Variants in POU2AF1 observed in about 807,000 individuals in gnomAD.
POU2AF1 encodes the protein POU domain class 2-associating factor 1.
A neutral mutation model predicts 26.3 loss-of-function variants in POU2AF1; 12 were observed. That is an observed-to-expected ratio of 0.46 (90% CI 0.29 to 0.74). The LOEUF (loss-of-function observed/expected upper bound fraction) is 0.74, where lower values mean the gene tolerates loss of function less well. POU2AF1 is among the 30% of genes least tolerant of loss of function. POU2AF1 has a pLI of 0.09. For synonymous variants in POU2AF1, 175 were observed against 148.0 expected, an observed-to-expected ratio of 1.18 and a Z score of -1.32; for missense variants, 297 against 334.5, an observed-to-expected ratio of 0.89 and a Z score of 0.87.
Position 111,368,749 on chromosome 11 carries a change from G to A in POU2AF1, c.17-9831C>T, listed in dbSNP as rs545904072. On this transcript the variant is annotated intron_variant, in intron 1 of 4. Coordinates refer to ENST00000393067, the MANE Select transcript of POU2AF1 (RefSeq NM_006235.3). ...GTTGCTTATCACCTGTGTGACTCTTGGCAAATCACTTAACCATTGTGTGCC... is the reference window on the plus strand; with the variant it reads ...GTTGCTTATCACCTGTGTGACTCTTAGCAAATCACTTAACCATTGTGTGCC... 2.2e-4 allele frequency among the ~76,000 whole-genome samples: 34 copies of A among 152,306 alleles called. 2 individuals are homozygous for A. The highest frequency in any genetic ancestry group is 7.9e-4 in the African/African-American group (33 of 41,562).
chr11:111,364,967 T>C (rs1392350406), intron 1 of POU2AF1, among the ~76,000 whole-genome samples: 1 of 152,258 alleles, frequency 6.6e-6, no homozygotes, highest in Non-Finnish European at 1.5e-5. Context: ...CAGTTGTTTG[T>C]TCCTTGATTT....
chr11:111,372,029 TACACACACACACACACAC>T (rs374971894), intron 1 of POU2AF1, among the ~76,000 whole-genome samples: 84 of 121,134 alleles, frequency 6.9e-4, no homozygotes, highest in African/African-American at 1.8e-3. Flanking sequence ...CACACACAAA[TACACACACACACACACAC>T]ACACACACAC....
At chr11:111,360,291 G>C (rs1312133924) in intron 1 of POU2AF1, among the ~76,000 whole-genome samples, 2 of 152,180 alleles carry the variant, frequency 1.3e-5, no homozygotes, top group Non-Finnish European at 2.9e-5. Flanking sequence ...CCTGGGCTCT[G>C]AATCAAAGTC....
chr11:111,365,617 T>C (rs1267217982), intron 1 of POU2AF1, among the ~76,000 whole-genome samples: 1 of 152,190 alleles, frequency 6.6e-6, no homozygotes, highest in Non-Finnish European at 1.5e-5. Flanking sequence ...GCCAACAAAC[T>C]TGCCCTGGCT....
chr11:111,377,020 A>G (rs1861321155), intron 1 of POU2AF1, among the ~76,000 whole-genome samples: 1 of 152,040 alleles, frequency 6.6e-6, no homozygotes, highest in South Asian at 2.1e-4. Context: ...TCTCCCTTAC[A>G]ATGGAGTTTT....
Position 111,354,519 on chromosome 11 carries a change from C to A in POU2AF1, c.513G>T (p.Gln171His). 1.3e-6 allele frequency: 2 copies of A among 1,578,878 alleles called. No individual in the cohort carries two copies. Among genetic ancestry groups the A allele is most frequent in the Non-Finnish European group, 1.7e-6 (2 of 1,166,234 alleles). ...VGPPLEGPEH[Q>H]APLTYFPWPQ... The stretch of plus-strand genomic sequence containing the variant: ...GCCACGGGAAATAGGTGAGGGGTGC[C>A]TGGTGCTCTGGGCCCTCCAGCGGGG... The change falls in exon 5 of 5, where the codon CAG (glutamine) becomes CAT (histidine). Residue 171 changes from glutamine (Q) to histidine (H), a missense_variant. Gln to His is a conservative substitution (Grantham distance 24, BLOSUM62 0). Coordinates refer to ENST00000393067, the MANE Select transcript of POU2AF1 (RefSeq NM_006235.3).
At chr11:111,359,728 T>C (rs1860968675) in intron 1 of POU2AF1, among the ~76,000 whole-genome samples, 1 of 152,220 alleles carries the variant, frequency 6.6e-6, no homozygotes, top group Non-Finnish European at 1.5e-5. Context: ...GATGGAAGTG[T>C]CTTATACCCA....
At chr11:111,372,101 G>A (rs1193283002) in intron 1 of POU2AF1, among the ~76,000 whole-genome samples, 1 of 145,238 alleles carries the variant, frequency 6.9e-6, no homozygotes, top group Non-Finnish European at 1.5e-5. Flanking sequence ...TGAAGGAGCA[G>A]CCTGACTTTT....
chr11:111,356,441 G>A (rs1852237928), intron 4 of POU2AF1, among the ~76,000 whole-genome samples: 1 of 152,192 alleles, frequency 6.6e-6, no homozygotes, highest in Non-Finnish European at 1.5e-5. Flanking sequence ...ACCCTGGAGG[G>A]AAATGGAAGA....
intron 1 of POU2AF1, among the ~76,000 whole-genome samples, chr11:111,364,692 G>C (rs1861071657): frequency 6.6e-6 from 1 of 152,272 alleles, no homozygotes; most frequent in Admixed American, 6.5e-5. Flanking sequence ...AGTTAAGAGA[G>C]TTGCTCTAAT....
At position 111,353,142 on chromosome 11, in the gene POU2AF1, A is replaced by C. The variant is rs1281034109; in HGVS notation, c.*1119T>G. The C allele has an allele frequency of 4.3e-6, 1 of 232,478 alleles. No individual in the cohort carries two copies. The highest frequency in any genetic ancestry group is 8.5e-6 in the Non-Finnish European group (1 of 117,632). The allele number at this position is 232,478 out of a possible 1,614,324, so 14.4% of individuals were successfully genotyped here. On this transcript the variant is annotated 3_prime_UTR_variant, in exon 5 of 5. Transcript: ENST00000393067. ...ATGGGGTCTTGGCCTCCACAGCACC[A>C]GCAGAGGGCCTAGAGGTGAGACAGA...
At chr11:111,367,974 G>A (rs1654107941) in intron 1 of POU2AF1, among the ~76,000 whole-genome samples, 1 of 152,210 alleles carries the variant, frequency 6.6e-6, no homozygotes, top group African/African-American at 2.4e-5. Context: ...TCCCAGGGTA[G>A]GGGACAAGAC....
chr11:111,367,294 T>C lies in POU2AF1; in HGVS notation c.17-8376A>G, dbSNP rs368194406. 9.8e-5 allele frequency among the ~76,000 whole-genome samples: 15 copies of C among 152,286 alleles called. No individual in the cohort carries two copies. In the South Asian group the frequency reaches 2.9e-3, roughly 29 times the overall value. On this transcript the variant is annotated intron_variant, in intron 1 of 4. Coordinates refer to ENST00000393067, the MANE Select transcript of POU2AF1 (RefSeq NM_006235.3). Reference sequence around the variant, plus strand: ...TGAATGAATGGGTGGTAAAGGTCCATGTGTTTCCTGGTCACATTCTTAACT... The same window carrying C: ...TGAATGAATGGGTGGTAAAGGTCCACGTGTTTCCTGGTCACATTCTTAACT...
At chr11:111,361,065 T>C (rs186328192) in intron 1 of POU2AF1, among the ~76,000 whole-genome samples, 1 of 152,276 alleles carries the variant, frequency 6.6e-6, no homozygotes, top group Non-Finnish European at 1.5e-5. Context: ...AGATTCATTA[T>C]CCTTATTTTA....
Position 111,379,146 on chromosome 11 carries a change from C to G in POU2AF1, c.16+16G>C. The G allele has an allele frequency of 6.2e-7, 1 of 1,614,122 alleles. No individual in the cohort carries two copies. The highest frequency in any genetic ancestry group is 1.1e-5 in the South Asian group (1 of 91,080). ...GGCACTCGCTTGGGTCTGACAGCCA[C>G]AGCCAAACCACTTACGTTTTTGCCA... is the stretch of plus-strand genomic sequence containing the variant. On this transcript the variant is annotated intron_variant, in intron 1 of 4. Transcript: ENST00000393067.
intron 1 of POU2AF1, among the ~76,000 whole-genome samples, chr11:111,378,501 T>C (rs6589226): frequency 0.68 from 103,086 of 152,094 alleles, 35,766 homozygotes; most frequent in Admixed American, 0.78. Flanking sequence ...CACAATTGTT[T>C]CATCCAACTC....
chr11:111,369,883 G>T (rs1340220542), intron 1 of POU2AF1, among the ~76,000 whole-genome samples: 1 of 152,202 alleles, frequency 6.6e-6, no homozygotes, highest in Non-Finnish European at 1.5e-5. Context: ...ATAACCTGTG[G>T]TTAGGCAGCT....
At chr11:111,379,129 C>G (rs1168022799) in intron 1 of POU2AF1, 33 bp downstream of exon 1, 3 of 1,613,868 alleles carry the variant, frequency 1.9e-6, no homozygotes, top group Admixed American at 1.7e-5. Context: ...CTGGCACTCG[C>G]TTGGGTCTGA....
intron 4 of POU2AF1, 109 bp from the exon 5 acceptor site, chr11:111,354,684 G>A: frequency 2.0e-6 from 2 of 1,009,838 alleles, no homozygotes; most frequent in South Asian, 4.2e-5. Context: ...GCCCTTTCCT[G>A]GTTTCTCACT....
Sources: gnomAD v4.1 joint callset for allele counts (sites outside exome capture counted in the v4.1 genomes callset) on GRCh38, gnomAD v4.1.1 for gene constraint, MANE v1.5 for transcripts, NCBI Gene and HGNC (gene_info 2026-07-23, HGNC 2026-07-21) for gene names.